The following UGT1A7 variants were observed in gnomAD, a reference collection of about 807,000 sequenced individuals.
UGT1A7 encodes the protein UDP glucuronosyltransferase family 1 member A7.
In UGT1A7, 33 loss-of-function variants were observed where a neutral mutation model predicts 45.6. That is an observed-to-expected ratio of 0.72 (90% CI 0.55 to 0.97). The LOEUF (loss-of-function observed/expected upper bound fraction) is 0.97, where lower values mean the gene tolerates loss of function less well. UGT1A7 is among the 50% of genes least tolerant of loss of function. The pLI is 0.00. For missense variants in UGT1A7, 684 were observed against 666.2 expected (o/e 1.03, Z -0.29); for synonymous variants, 274 against 250.6 (o/e 1.09, Z -0.88).
At chr2:233,695,225 A>C (rs1490508251) in intron 1 of UGT1A7, among the ~76,000 whole-genome samples, 1 of 150,674 alleles carries the variant, frequency 6.6e-6, no homozygotes, top group Non-Finnish European at 1.5e-5. Flanking sequence ...TCCTGGGTTC[A>C]AGCGATTCTC....
chr2:233,743,894 A>G, intron 1 of UGT1A7: 2 of 1,366,966 alleles, frequency 1.5e-6, no homozygotes, highest in Non-Finnish European at 9.8e-7. Context: ...GGGCACGTCC[A>G]GCACCTCGTA....
intron 1 of UGT1A7, among the ~76,000 whole-genome samples, chr2:233,715,670 G>A (rs1428393419): frequency 6.6e-6 from 1 of 152,106 alleles, no homozygotes; most frequent in Non-Finnish European, 1.5e-5. Flanking sequence ...TACTCGGGAG[G>A]CTGAGGCAGG....
intron 1 of UGT1A7, among the ~76,000 whole-genome samples, chr2:233,720,005 C>T (rs2076821394): frequency 6.6e-6 from 1 of 152,174 alleles, no homozygotes; most frequent in South Asian, 2.1e-4. Context: ...ACATTCAGAA[C>T]TGATCCATCC....
At chr2:233,729,589 A>C (rs2077888801) in intron 1 of UGT1A7, 4 of 1,614,098 alleles carry the variant, frequency 2.5e-6, no homozygotes, top group Non-Finnish European at 2.5e-6. Context: ...AGACCCCGTT[A>C]ACCTCTGCGC....
At chr2:233,745,089 C>G (rs542765504) in intron 1 of UGT1A7, among the ~76,000 whole-genome samples, 1 of 151,738 alleles carries the variant, frequency 6.6e-6, no homozygotes, top group Admixed American at 6.5e-5. Flanking sequence ...ATTGCTCTTC[C>G]CCCCAAATAT....
intron 1 of UGT1A7, among the ~76,000 whole-genome samples, chr2:233,703,893 C>G (rs7567229): frequency 6.6e-6 from 1 of 151,246 alleles, no homozygotes; most frequent in African/African-American, 2.4e-5. Flanking sequence ...TCATTTTTTT[C>G]TTTTCTTTTT....
chr2:233,751,665 G>A (rs1281035345), intron 1 of UGT1A7, among the ~76,000 whole-genome samples: 6 of 152,196 alleles, frequency 3.9e-5, no homozygotes, highest in African/African-American at 1.4e-4. Context: ...TACTGAGTGA[G>A]TTCTAATGAG....
intron 1 of UGT1A7, among the ~76,000 whole-genome samples, chr2:233,723,507 G>A (rs1209315085): frequency 7.7e-6 from 1 of 130,328 alleles, no homozygotes; most frequent in African/African-American, 3.2e-5. Flanking sequence ...ACTGCACCTG[G>A]TCAACAATCT....
chr2:233,693,072 T>C, intron 1 of UGT1A7: 3 of 1,614,192 alleles, frequency 1.9e-6, no homozygotes, highest in Non-Finnish European at 2.5e-6. Flanking sequence ...CTTTGGGGCA[T>C]GGTTGTAGGT....
intron 1 of UGT1A7, among the ~76,000 whole-genome samples, chr2:233,700,925 G>A (rs2075599676): frequency 6.6e-6 from 1 of 151,226 alleles, no homozygotes; most frequent in Admixed American, 6.6e-5. Context: ...TCCTGTGTCT[G>A]TGTGTGATTG....
chr2:233,716,698 TA>T (rs1450076401), intron 1 of UGT1A7, among the ~76,000 whole-genome samples: 1 of 152,204 alleles, frequency 6.6e-6, no homozygotes, highest in African/African-American at 2.4e-5. Context: ...TACATTCTCT[TA>T]AAAACACTAA....
At chr2:233,761,247 T>C (rs1300927004) in intron 1 of UGT1A7, 16 of 1,609,136 alleles carry the variant, frequency 9.9e-6, no homozygotes, top group African/African-American at 1.3e-5. Flanking sequence ...GAGCAAGCAT[T>C]CTGAGATAAT....
chr2:233,767,452 A>G (rs1559414101), intron 2 of UGT1A7, among the ~76,000 whole-genome samples: 1 of 152,230 alleles, frequency 6.6e-6, no homozygotes, highest in Non-Finnish European at 1.5e-5. Context: ...AATAAAATAA[A>G]TGGGATATTG....
intron 1 of UGT1A7, among the ~76,000 whole-genome samples, chr2:233,714,489 G>A (rs1410675106): frequency 1.3e-5 from 2 of 152,138 alleles, no homozygotes; most frequent in East Asian, 3.9e-4. Flanking sequence ...TTCTTGTGAA[G>A]ACACTACTTA....
intron 1 of UGT1A7, among the ~76,000 whole-genome samples, chr2:233,702,926 A>C (rs1284253822): frequency 1.3e-5 from 2 of 152,120 alleles, no homozygotes; most frequent in Non-Finnish European, 2.9e-5. Flanking sequence ...TTTCTTGCGG[A>C]GCCTTGGTCT....
At chr2:233,701,743 T>C (rs1291418937) in intron 1 of UGT1A7, among the ~76,000 whole-genome samples, 3 of 152,190 alleles carry the variant, frequency 2.0e-5, no homozygotes, top group Non-Finnish European at 2.9e-5. Flanking sequence ...CCTGAATAAC[T>C]ACTGGGTACA....
intron 1 of UGT1A7, among the ~76,000 whole-genome samples, chr2:233,694,658 A>T (rs1315709453): frequency 6.6e-6 from 1 of 152,160 alleles, no homozygotes; most frequent in Admixed American, 6.5e-5. Context: ...CTTTTTTATC[A>T]GAGAGAAAGC....
chr2:233,697,051 T>C (rs2075372037), intron 1 of UGT1A7, among the ~76,000 whole-genome samples: 1 of 152,152 alleles, frequency 6.6e-6, no homozygotes, highest in Non-Finnish European at 1.5e-5. Flanking sequence ...TTTTTTGTTG[T>C]GTCCTTGTCT....
chr2:233,724,200 G>A (rs1277463705), intron 1 of UGT1A7, among the ~76,000 whole-genome samples: 6 of 126,908 alleles, frequency 4.7e-5, no homozygotes, highest in Admixed American at 1.5e-4. Context: ...GTGGCTGGCC[G>A]GGCTGAGGGG....
Sources: allele counts gnomAD v4.1 joint callset (sites outside exome capture counted in the v4.1 genomes callset), GRCh38; gene constraint gnomAD v4.1.1; transcripts MANE v1.5; gene names NCBI Gene and HGNC (gene_info 2026-07-23, HGNC 2026-07-21).